Variants in APAF1 observed in about 807,000 individuals in gnomAD.
APAF1 encodes apoptotic peptidase activating factor 1.
In APAF1, 91 loss-of-function variants were observed where a neutral mutation model predicts 152.4. The observed-to-expected ratio is 0.60, with a 90% CI of 0.50 to 0.71. APAF1 has a LOEUF of 0.71. APAF1 is among the 30% of genes least tolerant of loss of function. APAF1 has a pLI of 0.00. For synonymous variants in APAF1, 484 were observed against 494.1 expected (o/e 0.98, Z 0.27); for missense variants, 1,283 against 1,472.0 (o/e 0.87, Z 2.10).
Position 98,687,000 on chromosome 12 carries a change from C to G in APAF1, c.2304+127C>G, listed in dbSNP as rs1593067249. ...GCCTGCTTCTTTCAATTTCCAGGAG[C>G]ATATTTAATGTAACTGTAATTGCTT... On this transcript the variant is annotated intron_variant, in intron 16 of 26. Transcript: ENST00000551964. 7.4e-6 allele frequency: 7 copies of G among 946,388 alleles called. No individual in the cohort carries two copies. In the East Asian group the frequency reaches 1.7e-4, roughly 23 times the overall value. The allele number at this position is 946,388 out of a possible 1,614,324, so 58.6% of individuals were successfully genotyped here.
chr12:98,677,184 A>G (rs548186871), intron 12 of APAF1, among the ~76,000 whole-genome samples: 1 of 152,342 alleles, frequency 6.6e-6, no homozygotes, highest in East Asian at 1.9e-4. Context: ...ACTCAGTGAC[A>G]TTTGTAACAC....
At chr12:98,714,833 CT>C (rs67353662) in intron 21 of APAF1, among the ~76,000 whole-genome samples, 16,623 of 140,166 alleles carry the variant, frequency 0.12, 1,274 homozygotes, top group Non-Finnish European at 0.18. Flanking sequence ...ATTTGAAAGC[CT>C]TTTTTTTTCT....
chr12:98,718,751 A>C (rs1213612274), intron 22 of APAF1, among the ~76,000 whole-genome samples: 1 of 152,066 alleles, frequency 6.6e-6, no homozygotes. Flanking sequence ...CCTGGGCAAC[A>C]TAGCGAGACC....
At chr12:98,732,037 A>T (rs1213033744) in intron 26 of APAF1, among the ~76,000 whole-genome samples, 2 of 152,192 alleles carry the variant, frequency 1.3e-5, no homozygotes, top group East Asian at 3.8e-4. Flanking sequence ...CTGTGTCTGC[A>T]AAGGGGCATT....
rs773754048 is a variant in APAF1, at chr12:98,727,243, A to T, written c.3527A>T (p.His1176Leu). The change falls in exon 26 of 27, where the codon CAT becomes CTT. Residue 1176 changes from histidine to leucine, a missense_variant. Transcript: ENST00000551964. ...APLSEEGAAT[H>L]GGWVTDLCFS... is the part of the protein sequence containing the mutation. ...CTTTCAGAAGAAGGAGCTGCTACCC[A>T]TGGAGGCTGGGTGACTGACCTTTGC... 7.4e-6 allele frequency: 12 copies of T among 1,614,100 alleles called. No homozygotes were observed.
At chr12:98,672,265 A>G (rs1458354853) in intron 12 of APAF1, among the ~76,000 whole-genome samples, 1 of 152,078 alleles carries the variant, frequency 6.6e-6, no homozygotes, top group Non-Finnish European at 1.5e-5. Context: ...CCCGGATTCA[A>G]ACGATTCTCC....
intron 20 of APAF1, among the ~76,000 whole-genome samples, chr12:98,711,210 G>A (rs982672935): frequency 6.6e-6 from 1 of 152,118 alleles, no homozygotes; most frequent in Non-Finnish European, 1.5e-5. Context: ...CAGTTTTCTT[G>A]ACAAATTTAG....
At chr12:98,665,280 T>A (rs200169486) in intron 7 of APAF1, among the ~76,000 whole-genome samples, 941 of 62,490 alleles carry the variant, frequency 0.015, 2 homozygotes, top group African/African-American at 0.032. Context: ...ATATATATAT[T>A]TTTTTTTTTT....
Position 98,712,327 on chromosome 12 carries a change from T to C in APAF1, c.2850T>C (p.Asn950=). 1 of 1,607,878 alleles carries C rather than the reference T, an allele frequency of 6.2e-7. No individual in the cohort carries two copies. Among genetic ancestry groups the C allele is most frequent in the Non-Finnish European group, 8.5e-7 (1 of 1,174,536 alleles). ...GCCTCATTTTTCATTAGCTCATTAA[T>C]GGAAGAACAGGTCAGATTGATTATC... The part of the protein sequence containing the change: ...VDHIRRLQLI[N]GRTGQIDYLT... Residue 950 remains asparagine (N), a synonymous_variant, in exon 21 of 27, where the codon AAT becomes AAC. Coordinates refer to ENST00000551964, the MANE Select transcript of APAF1 (RefSeq NM_181861.2).
intron 1 of APAF1, among the ~76,000 whole-genome samples, chr12:98,648,012 T>G (rs181535545): frequency 1.3e-5 from 2 of 152,276 alleles, no homozygotes; most frequent in Non-Finnish European, 2.9e-5. Context: ...ACATATGTAT[T>G]TGAATGTCTC....
intron 15 of APAF1, among the ~76,000 whole-genome samples, chr12:98,683,905 A>C (rs909622447): frequency 6.6e-6 from 1 of 152,156 alleles, no homozygotes; most frequent in African/African-American, 2.4e-5. Context: ...ATAACCAAAA[A>C]CAGAAATTCA....
chr12:98,720,991 C>G (rs111368810), intron 22 of APAF1, among the ~76,000 whole-genome samples: 3,892 of 151,940 alleles, frequency 0.026, 176 homozygotes, highest in African/African-American at 0.09. Flanking sequence ...AAAAAATTTC[C>G]TTAACATTTC....
intron 16 of APAF1, among the ~76,000 whole-genome samples, chr12:98,696,030 T>A (rs992753061): frequency 1.3e-5 from 2 of 152,248 alleles, no homozygotes; most frequent in Non-Finnish European, 2.9e-5. Flanking sequence ...CCATTTTCCT[T>A]CGCCTTGTGG....
intron 20 of APAF1, among the ~76,000 whole-genome samples, chr12:98,711,598 T>G (rs2097727972): frequency 6.6e-6 from 1 of 152,192 alleles, no homozygotes; most frequent in South Asian, 2.1e-4. Flanking sequence ...GAAAAATAAT[T>G]CAAGAATTTT....
At chr12:98,687,218 C>T (rs2097698919) in intron 16 of APAF1, among the ~76,000 whole-genome samples, 1 of 152,084 alleles carries the variant, frequency 6.6e-6, no homozygotes. Context: ...CAAAAATTAG[C>T]TGGGTGTGGT....
chr12:98,666,088 C>A, intron 8 of APAF1, 102 bp from the exon 9 acceptor site: 1 of 1,098,008 alleles, frequency 9.1e-7, no homozygotes, highest in Non-Finnish European at 1.4e-6. Context: ...CATTCTTACT[C>A]AGGGCTTTAA....
At chr12:98,676,641 A>G (rs1428347405) in intron 12 of APAF1, among the ~76,000 whole-genome samples, 1 of 135,242 alleles carries the variant, frequency 7.4e-6, no homozygotes, top group Non-Finnish European at 1.5e-5. Context: ...TTGTAGTTTG[A>G]GAGAAGCAGT....
chr12:98,730,846 A>T (rs916991702), intron 26 of APAF1, among the ~76,000 whole-genome samples: 4 of 152,244 alleles, frequency 2.6e-5, no homozygotes, highest in African/African-American at 9.6e-5. Context: ...CCAGAAGCTT[A>T]AAAAGTTCTT....
rs2097724540 is a variant in APAF1, at chr12:98,708,710, T to A, written c.2841+6T>A. The A allele has an allele frequency of 6.2e-7, 1 of 1,610,960 alleles. No homozygotes were observed. The highest frequency in any genetic ancestry group is 1.3e-5 in the African/African-American group (1 of 74,874). On this transcript the variant is annotated splice_donor_region_variant and intron_variant, in intron 20 of 26. Coordinates refer to ENST00000551964, the MANE Select transcript of APAF1 (RefSeq NM_181861.2). ...ACCATATAAGACGTCTGCAAGTGAG[T>A]ATTTTTTAGAAAACAATTGGAAAAT...
Sources: allele counts gnomAD v4.1 joint callset (sites outside exome capture counted in the v4.1 genomes callset), GRCh38; gene constraint gnomAD v4.1.1; transcripts MANE v1.5; gene names NCBI Gene and HGNC (gene_info 2026-07-23, HGNC 2026-07-21).